Variants in THSD4 observed in about 807,000 individuals in gnomAD.
THSD4 encodes the protein thrombospondin type 1 domain containing 4, also known as thrombospondin type-1 domain-containing protein 4.
In THSD4, 69 loss-of-function variants were observed where a neutral mutation model predicts 119.0. That is an observed-to-expected ratio of 0.58 (90% CI 0.48 to 0.71). THSD4 has a LOEUF of 0.71. Ranked by LOEUF, THSD4 falls within the 30% of genes least tolerant of loss-of-function variation. THSD4 has a pLI of 0.00. For missense variants in THSD4, 1,393 were observed against 1,391.1 expected (o/e 1.00, Z -0.02); for synonymous variants, 524 against 540.4 (o/e 0.97, Z 0.42).
At chr15:71,584,318 A>T (rs2049621442) in intron 7 of THSD4, among the ~76,000 whole-genome samples, 1 of 123,798 alleles carries the variant, frequency 8.1e-6, no homozygotes, top group Non-Finnish European at 1.6e-5. Flanking sequence ...CCCAGGCTGA[A>T]GTGTAGTGGC....
At chr15:71,657,045 G>C (rs2051205391) in intron 7 of THSD4, among the ~76,000 whole-genome samples, 1 of 152,078 alleles carries the variant, frequency 6.6e-6, no homozygotes, top group Non-Finnish European at 1.5e-5. Flanking sequence ...CAGACTTTAT[G>C]TACCCAATTG....
At chr15:71,236,791 T>C (rs1185292449) in intron 4 of THSD4, among the ~76,000 whole-genome samples, 1 of 152,120 alleles carries the variant, frequency 6.6e-6, no homozygotes, top group Non-Finnish European at 1.5e-5. Context: ...GTGCAAACAA[T>C]AAGCATAATA....
At chr15:71,508,694 T>C (rs531949806) in intron 7 of THSD4, among the ~76,000 whole-genome samples, 21 of 152,318 alleles carry the variant, frequency 1.4e-4, no homozygotes, top group African/African-American at 3.6e-4. Context: ...ATTTTCAGTG[T>C]AGAATTTGTA....
At chr15:71,343,847 G>A (rs1248339631) in intron 6 of THSD4, among the ~76,000 whole-genome samples, 2 of 151,370 alleles carry the variant, frequency 1.3e-5, no homozygotes, top group Non-Finnish European at 2.9e-5. Context: ...TGAGCAGCTG[G>A]AACTACAGGC....
chr15:71,315,340 C>T (rs2045171781), intron 6 of THSD4, among the ~76,000 whole-genome samples: 1 of 152,196 alleles, frequency 6.6e-6, no homozygotes, highest in Admixed American at 6.5e-5. Context: ...GTCCACAGAC[C>T]CCCTTCACAC....
At chr15:71,515,012 CT>C (rs1196945466) in intron 7 of THSD4, among the ~76,000 whole-genome samples, 1 of 152,178 alleles carries the variant, frequency 6.6e-6, no homozygotes, top group Non-Finnish European at 1.5e-5. Context: ...CATTTGCTCA[CT>C]TTTTTTCAGT....
At chr15:71,338,115 T>A (rs2045512089) in intron 6 of THSD4, among the ~76,000 whole-genome samples, 1 of 152,246 alleles carries the variant, frequency 6.6e-6, no homozygotes, top group African/African-American at 2.4e-5. Flanking sequence ...CTCTAAGAAC[T>A]GGGTTCAAAA....
chr15:71,313,164 T>C (rs549147888), intron 6 of THSD4, among the ~76,000 whole-genome samples: 1 of 152,382 alleles, frequency 6.6e-6, no homozygotes, highest in East Asian at 1.9e-4. Flanking sequence ...ATTTATTTTA[T>C]ACTTTGGGCT....
At chr15:71,503,778 G>A (rs749708255) in intron 7 of THSD4, among the ~76,000 whole-genome samples, 34 of 152,152 alleles carry the variant, frequency 2.2e-4, no homozygotes, top group Non-Finnish European at 2.6e-4. Flanking sequence ...TTGGCCTAAT[G>A]TATTGGCTCT....
chr15:71,682,768 A>T (rs1396678318), intron 8 of THSD4, among the ~76,000 whole-genome samples: 1 of 152,110 alleles, frequency 6.6e-6, no homozygotes, highest in African/African-American at 2.4e-5. Flanking sequence ...TCTGTCAAAT[A>T]ATTTCTGTAC....
intron 7 of THSD4, among the ~76,000 whole-genome samples, chr15:71,653,217 G>A (rs1477998964): frequency 1.3e-5 from 2 of 152,206 alleles, no homozygotes; most frequent in Admixed American, 6.5e-5. Context: ...TAAAGAACTC[G>A]AGAAGGTTTG....
intron 6 of THSD4, among the ~76,000 whole-genome samples, chr15:71,279,571 C>T (rs994038888): frequency 1.3e-5 from 2 of 152,112 alleles, no homozygotes; most frequent in Admixed American, 1.3e-4. Context: ...TGTGGCATCT[C>T]CAGGAGGGAA....
chr15:71,568,894 C>T (rs1434879003), intron 7 of THSD4, among the ~76,000 whole-genome samples: 1 of 152,132 alleles, frequency 6.6e-6, no homozygotes, highest in African/African-American at 2.4e-5. Context: ...TTTTTAAGAA[C>T]AATCTTTAAA....
chr15:71,493,953 T>C (rs890089734), intron 7 of THSD4, among the ~76,000 whole-genome samples: 1 of 152,180 alleles, frequency 6.6e-6, no homozygotes, highest in Non-Finnish European at 1.5e-5. Context: ...GACTGGCCTT[T>C]AGAGCACTAA....
intron 14 of THSD4, among the ~76,000 whole-genome samples, chr15:71,754,466 GAAACAAAC>G (rs59137225): frequency 0.01 from 1,545 of 151,644 alleles, 8 homozygotes; most frequent in African/African-American, 0.021. Context: ...ATACATGGCT[GAAACAAAC>G]AAACAAACAA....
At chr15:71,745,372 T>C (rs2053315923) in intron 12 of THSD4, 137 bp downstream of exon 12, 2 of 1,207,146 alleles carry the variant, frequency 1.7e-6, no homozygotes, top group African/African-American at 3.0e-5. Context: ...TAAAATGCAG[T>C]CTGTTTAGCA....
intron 7 of THSD4, among the ~76,000 whole-genome samples, chr15:71,458,568 T>G (rs559861276): frequency 5.9e-5 from 9 of 152,336 alleles, no homozygotes; most frequent in African/African-American, 2.2e-4. Context: ...AACACCTGTT[T>G]CCTCGCAAGT....
Position 71,746,136 on chromosome 15 carries a change from G to A in THSD4, c.2037-702G>A, listed in dbSNP as rs550664291. On this transcript the variant is annotated intron_variant, in intron 12 of 17. Coordinates refer to ENST00000261862, the MANE Select transcript of THSD4 (RefSeq NM_024817.3). ...AGAGGAGGGTTTGCAAAACTGATAC[G>A]GGAATTGTTAATGAAAAATAATGCT... 3.2e-4 allele frequency among the ~76,000 whole-genome samples: 49 copies of A among 152,246 alleles called. 1 individual carries two copies. The highest frequency in any genetic ancestry group is 8.3e-4 in the South Asian group (4 of 4,820).
chr15:71,185,593 T>C (rs1454226698), intron 3 of THSD4: 2 of 96,510 alleles, frequency 2.1e-5, no homozygotes, highest in African/African-American at 5.3e-5. Context: ...AAATGAATTA[T>C]GTAGAATCTT....
Sources: gnomAD v4.1 joint callset for allele counts (sites outside exome capture counted in the v4.1 genomes callset) on GRCh38, gnomAD v4.1.1 for gene constraint, MANE v1.5 for transcripts, NCBI Gene and HGNC (gene_info 2026-07-23, HGNC 2026-07-21) for gene names.